Variants in MYO16 observed in about 807,000 individuals in gnomAD.
The protein encoded by MYO16 is myosin XVI.
A neutral mutation model predicts 205.3 loss-of-function variants in MYO16; 94 were observed. The observed-to-expected ratio is 0.46, with a 90% CI of 0.39 to 0.54. The LOEUF (loss-of-function observed/expected upper bound fraction) is 0.54. Among genes scored for constraint, MYO16 ranks in the 20% least tolerant of loss-of-function variants. MYO16 has a pLI of 0.00. For synonymous variants in MYO16, 988 were observed against 954.0 expected (o/e 1.04, Z -0.66); for missense variants, 2,315 against 2,387.5 (o/e 0.97, Z 0.63).
At chr13:108,960,232 G>A (rs550973094) in intron 17 of MYO16, among the ~76,000 whole-genome samples, 121 of 141,634 alleles carry the variant, frequency 8.5e-4, no homozygotes, top group Non-Finnish European at 1.6e-3. Flanking sequence ...TTATGATTGC[G>A]CCACTACACT....
chr13:108,630,009 AT>A, intron 1 of MYO16, 137 bp downstream of exon 1: 1 of 617,214 alleles, frequency 1.6e-6, no homozygotes, highest in Non-Finnish European at 2.7e-6. Context: ...TTAGAAGAAT[AT>A]TTTACAGGCT....
At chr13:108,864,840 G>A (rs1021231391) in intron 11 of MYO16, among the ~76,000 whole-genome samples, 3 of 152,098 alleles carry the variant, frequency 2.0e-5, no homozygotes, top group African/African-American at 7.2e-5. Flanking sequence ...ACCTGCCCAT[G>A]ATGCCTTGAT....
chr13:108,498,631 G>A, the MYO16 span, among the ~76,000 whole-genome samples: 1 of 152,244 alleles, frequency 6.6e-6, no homozygotes, highest in African/African-American at 2.4e-5. Flanking sequence ...AACTTACTGA[G>A]ATTAAAATGC....
At chr13:108,721,317 A>T (rs2139571079) in intron 3 of MYO16, among the ~76,000 whole-genome samples, 1 of 152,328 alleles carries the variant, frequency 6.6e-6, no homozygotes, top group Non-Finnish European at 1.5e-5. Flanking sequence ...GAGGTATTGT[A>T]GTCATAGATT....
rs545016034 is a variant in MYO16 at position 108,844,757 on chromosome 13, G to T, written c.1248+264G>T. Among the ~76,000 whole-genome samples the T allele has an allele frequency of 1.4e-4, 21 of 152,232 alleles. No homozygotes were observed. The South Asian group carries it at 3.1e-3, about 23-fold the overall frequency. ...AAGCTCAGCCAGCGCATTAGTTCTT[G>T]AATATTTCCAGTTGAGTCATTTGTC... On this transcript the variant is annotated intron_variant, in intron 10 of 34. Transcript: ENST00000457511.
At chr13:109,113,692 T>C (rs1312497991) in intron 28 of MYO16, among the ~76,000 whole-genome samples, 3 of 152,012 alleles carry the variant, frequency 2.0e-5, no homozygotes, top group African/African-American at 7.3e-5. Context: ...GGTTCTGGCT[T>C]GGGTGATGAG....
At chr13:108,684,240 C>T (rs1189232854) in intron 2 of MYO16, among the ~76,000 whole-genome samples, 1 of 152,136 alleles carries the variant, frequency 6.6e-6, no homozygotes, top group Admixed American at 6.5e-5. Flanking sequence ...GGGGCAACCC[C>T]TAGGGCATTC....
In MYO16 at chr13:108,790,726, G is replaced by A. The variant is rs377587873; in HGVS notation, c.617-2790G>A. 1.2e-4 allele frequency among the ~76,000 whole-genome samples: 18 copies of A among 152,180 alleles called. No individual in the cohort carries two copies. The South Asian group carries it at 2.3e-3, about 19-fold the overall frequency. ...AAATCTAAAATTCACATTTTAATTG[G>A]CATCATATCTAATTCAAAATTAAGT... On this transcript the variant is annotated intron_variant, in intron 5 of 34. Transcript: ENST00000457511.
intron 16 of MYO16, among the ~76,000 whole-genome samples, chr13:108,942,162 C>T (rs1882758343): frequency 6.6e-6 from 1 of 152,164 alleles, no homozygotes; most frequent in African/African-American, 2.4e-5. Flanking sequence ...TTTAACTCTT[C>T]TGTGATTAAA....
chr13:108,595,022 C>T (rs111431809), upstream of MYO16, among the ~76,000 whole-genome samples: 149 of 152,224 alleles, frequency 9.8e-4, no homozygotes, highest in African/African-American at 3.2e-3. Context: ...AGATCAAAAG[C>T]GAATTTATTC....
At chr13:109,029,112 C>CTTTTTTTTTT (rs200871485) in intron 23 of MYO16, among the ~76,000 whole-genome samples, 2 of 98,408 alleles carry the variant, frequency 2.0e-5, no homozygotes, top group Non-Finnish European at 3.8e-5. Flanking sequence ...TTTTTCTTTT[C>CTTTTTTTTTT]TTTTTTTTTT....
chr13:108,510,461 G>GTTTTTTTTT, the MYO16 span, among the ~76,000 whole-genome samples: 127 of 45,824 alleles, frequency 2.8e-3, no homozygotes, highest in East Asian at 3.0e-3. Flanking sequence ...ATTGATAGCT[G>GTTTTTTTTT]TTTTTTTTTT....
intron 27 of MYO16, among the ~76,000 whole-genome samples, chr13:109,078,261 T>C (rs749900046): frequency 3.8e-5 from 4 of 105,138 alleles, no homozygotes; most frequent in Non-Finnish European, 7.8e-5. Context: ...ACCCCATCTC[T>C]ACTAAAAATA....
chr13:108,643,741 G>C (rs1459593428), intron 1 of MYO16, among the ~76,000 whole-genome samples: 1 of 152,156 alleles, frequency 6.6e-6, no homozygotes, highest in African/African-American at 2.4e-5. Flanking sequence ...GGGCTATTAT[G>C]AGTAGAGCCT....
At chr13:108,917,090 GC>G (rs2139251912) in intron 16 of MYO16, among the ~76,000 whole-genome samples, 1 of 152,288 alleles carries the variant, frequency 6.6e-6, no homozygotes, top group South Asian at 2.1e-4. Context: ...TCACACTCAT[GC>G]ACATGGCACA....
intron 4 of MYO16, among the ~76,000 whole-genome samples, chr13:108,744,226 G>A (rs1044463254): frequency 5.3e-5 from 8 of 152,034 alleles, no homozygotes; most frequent in African/African-American, 9.7e-5. Context: ...ACTAAGAAAC[G>A]ATTGATTTTT....
At chr13:108,743,501 G>T (rs1594257810) in intron 4 of MYO16, among the ~76,000 whole-genome samples, 1 of 152,346 alleles carries the variant, frequency 6.6e-6, no homozygotes, top group African/African-American at 2.4e-5. Context: ...GAAATAAGAA[G>T]TTGTAGGAGG....
At chr13:108,620,452 A>G (rs1375376617) in intron 1 of MYO16, among the ~76,000 whole-genome samples, 1 of 152,174 alleles carries the variant, frequency 6.6e-6, no homozygotes, top group East Asian at 1.9e-4. Flanking sequence ...GCATGCATTC[A>G]TGTTACTGTT....
intron 4 of MYO16, among the ~76,000 whole-genome samples, chr13:108,732,556 A>C (rs1330671046): frequency 2.0e-5 from 3 of 152,222 alleles, no homozygotes; most frequent in African/African-American, 7.2e-5. Flanking sequence ...CAAGGAGACC[A>C]GCACAGCTGC....
Sources: allele counts gnomAD v4.1 joint callset (sites outside exome capture counted in the v4.1 genomes callset), GRCh38; gene constraint gnomAD v4.1.1; transcripts MANE v1.5; gene names NCBI Gene and HGNC (gene_info 2026-07-23, HGNC 2026-07-21).